Variants in XRCC4 observed in about 807,000 individuals in gnomAD.
XRCC4 encodes X-ray repair cross complementing 4, also known as DNA repair protein XRCC4.
In XRCC4, 28 loss-of-function variants were observed where a neutral mutation model predicts 39.1. The ratio of observed to expected loss-of-function variants is 0.72; its 90% CI spans 0.53 to 0.98. The LOEUF (loss-of-function observed/expected upper bound fraction) is 0.98. XRCC4 is among the 50% of genes least tolerant of loss of function. XRCC4 has a pLI of 0.00. For missense variants in XRCC4, 350 were observed against 376.4 expected, an observed-to-expected ratio of 0.93 and a Z score of 0.58; for synonymous variants, 123 against 126.4, an observed-to-expected ratio of 0.97 and a Z score of 0.18.
chr5:83,327,211 A>T (rs2112153661), intron 7 of XRCC4, among the ~76,000 whole-genome samples: 1 of 152,104 alleles, frequency 6.6e-6, no homozygotes, highest in East Asian at 1.9e-4. Context: ...CTCTTTCCCC[A>T]CACCCAGCCC....
At chr5:83,164,448 T>G (rs1017562260) in intron 3 of XRCC4, among the ~76,000 whole-genome samples, 2 of 152,302 alleles carry the variant, frequency 1.3e-5, no homozygotes, top group African/African-American at 4.8e-5. Flanking sequence ...AATTTAAGCA[T>G]GTATCACAGT....
intron 6 of XRCC4, among the ~76,000 whole-genome samples, chr5:83,233,746 A>G (rs1302715218): frequency 6.6e-6 from 1 of 151,474 alleles, no homozygotes; most frequent in African/African-American, 2.4e-5. Flanking sequence ...AAAAAAAAAA[A>G]AAGCAATTAG....
intron 4 of XRCC4, among the ~76,000 whole-genome samples, chr5:83,202,674 A>T (rs1751258207): frequency 6.6e-6 from 1 of 152,090 alleles, no homozygotes; most frequent in African/African-American, 2.4e-5. Context: ...GTAAAACAAC[A>T]ACAATGTAAA....
At chr5:83,243,585 G>A (rs534784574) in intron 6 of XRCC4, among the ~76,000 whole-genome samples, 2 of 152,240 alleles carry the variant, frequency 1.3e-5, no homozygotes, top group African/African-American at 4.8e-5. Flanking sequence ...TGGAGATTTA[G>A]GACTTAAGAA....
chr5:83,174,733 G>A (rs1040710235), intron 3 of XRCC4, among the ~76,000 whole-genome samples: 4 of 152,126 alleles, frequency 2.6e-5, no homozygotes, highest in Non-Finnish European at 4.4e-5. Context: ...TATTTACATA[G>A]TTACCACACA....
chr5:83,224,443 T>C (rs1752212253), intron 6 of XRCC4, among the ~76,000 whole-genome samples: 3 of 152,268 alleles, frequency 2.0e-5, no homozygotes, highest in South Asian at 2.1e-4. Flanking sequence ...TGTCACACTT[T>C]ATATGTTTTT....
intron 6 of XRCC4, among the ~76,000 whole-genome samples, chr5:83,248,840 A>G (rs1448959363): frequency 2.0e-5 from 3 of 152,216 alleles, no homozygotes; most frequent in African/African-American, 7.2e-5. Flanking sequence ...TAAAAACCTT[A>G]CGAGATTTTT....
chr5:83,314,199 A>G (rs991877975), intron 7 of XRCC4, among the ~76,000 whole-genome samples: 2 of 152,160 alleles, frequency 1.3e-5, no homozygotes, highest in Non-Finnish European at 2.9e-5. Context: ...AAAAAATTGT[A>G]TCAGTCAAAT....
At chr5:83,326,910 A>T (rs968120429) in intron 7 of XRCC4, among the ~76,000 whole-genome samples, 4 of 152,100 alleles carry the variant, frequency 2.6e-5, no homozygotes, top group African/African-American at 9.7e-5. Flanking sequence ...CACAATGAAC[A>T]ATACGCTGTT....
chr5:83,154,729 AT>A (rs569233398), intron 3 of XRCC4, among the ~76,000 whole-genome samples: 7 of 151,540 alleles, frequency 4.6e-5, no homozygotes, highest in Admixed American at 2.0e-4. Flanking sequence ...CAAGAGAAGG[AT>A]TTTTTTTTCT....
At chr5:83,115,029 T>G (rs993223411) in intron 3 of XRCC4, among the ~76,000 whole-genome samples, 9 of 152,096 alleles carry the variant, frequency 5.9e-5, no homozygotes, top group African/African-American at 2.2e-4. Flanking sequence ...ATAAAACCTT[T>G]AGATCTCATG....
chr5:83,081,022 A>G (rs1033369329), intron 1 of XRCC4, among the ~76,000 whole-genome samples: 5 of 152,206 alleles, frequency 3.3e-5, no homozygotes, highest in Non-Finnish European at 1.5e-5. Flanking sequence ...AAGCTTAGTT[A>G]AGATAAAAAA....
chr5:83,326,355 A>T (rs150287625), intron 7 of XRCC4, among the ~76,000 whole-genome samples: 1 of 152,054 alleles, frequency 6.6e-6, no homozygotes, highest in South Asian at 2.1e-4. Flanking sequence ...TGTATTGCCT[A>T]CATTTTCTTC....
At chr5:83,248,041 G>A (rs1326810627) in intron 6 of XRCC4, among the ~76,000 whole-genome samples, 3 of 152,088 alleles carry the variant, frequency 2.0e-5, no homozygotes, top group Non-Finnish European at 4.4e-5. Context: ...TGACAGAAGT[G>A]ATATCTTCAT....
intron 1 of XRCC4, among the ~76,000 whole-genome samples, chr5:83,089,839 G>A (rs1348852789): frequency 2.0e-5 from 3 of 152,114 alleles, no homozygotes; most frequent in African/African-American, 7.2e-5. Flanking sequence ...TTGATAATTT[G>A]CTATAATGGG....
At chr5:83,251,973 G>A (rs1753337542) in intron 6 of XRCC4, among the ~76,000 whole-genome samples, 3 of 152,156 alleles carry the variant, frequency 2.0e-5, no homozygotes, top group Admixed American at 2.0e-4. Context: ...ATTGAAAATG[G>A]GCATTTGATA....
chr5:83,140,666 T>TA (rs1430907884), intron 3 of XRCC4, among the ~76,000 whole-genome samples: 1 of 152,242 alleles, frequency 6.6e-6, no homozygotes, highest in African/African-American at 2.4e-5. Context: ...AACAAATTTT[T>TA]AAAATATAGT....
At chr5:83,307,977 T>A (rs373715285) in intron 7 of XRCC4, among the ~76,000 whole-genome samples, 11 of 152,300 alleles carry the variant, frequency 7.2e-5, no homozygotes, top group Admixed American at 2.0e-4. Context: ...AAGCACACAA[T>A]ATACTCTGTA....
At chr5:83,213,590 A>G (rs1751735418) in intron 6 of XRCC4, among the ~76,000 whole-genome samples, 1 of 152,174 alleles carries the variant, frequency 6.6e-6, no homozygotes, top group Admixed American at 6.5e-5. Flanking sequence ...TTCCACAAAG[A>G]AAACCCTGGG....
Sources: gnomAD v4.1 joint callset for allele counts (sites outside exome capture counted in the v4.1 genomes callset) on GRCh38, gnomAD v4.1.1 for gene constraint, MANE v1.5 for transcripts, NCBI Gene and HGNC (gene_info 2026-07-23, HGNC 2026-07-21) for gene names.